FGF14: variants seen among roughly 807,000 people sequenced by gnomAD.
FGF14 encodes fibroblast growth factor 14.
A neutral mutation model predicts 25.5 loss-of-function variants in FGF14; 5 were observed. The observed-to-expected ratio is 0.20, with a 90% CI of 0.10 to 0.41. The LOEUF (loss-of-function observed/expected upper bound fraction) is 0.41, where lower values mean the gene tolerates loss of function less well. Ranked by LOEUF, FGF14 falls within the 10% of genes least tolerant of loss-of-function variation. The pLI is 1.00. For synonymous variants in FGF14, 138 were observed against 118.3 expected (o/e 1.17, Z -1.08); for missense variants, 222 against 320.1 (o/e 0.69, Z 2.34).
At chr13:101,759,164 G>A (rs1462294438) in intron 3 of FGF14, among the ~76,000 whole-genome samples, 1 of 152,158 alleles carries the variant, frequency 6.6e-6, no homozygotes, top group Non-Finnish European at 1.5e-5. Context: ...CAAGACAGGT[G>A]AGAGGTAAGA....
intron 1 of FGF14, among the ~76,000 whole-genome samples, chr13:101,899,343 G>A (rs968268094): frequency 6.6e-6 from 1 of 151,718 alleles, no homozygotes; most frequent in Admixed American, 6.6e-5. Flanking sequence ...ACATATAGGA[G>A]TTAACAGACA....
chr13:101,775,889 C>T (rs924638986), intron 3 of FGF14, among the ~76,000 whole-genome samples: 2 of 152,244 alleles, frequency 1.3e-5, no homozygotes, highest in East Asian at 1.9e-4. Flanking sequence ...GTTCAGGCCA[C>T]GTTCACAAAC....
At chr13:102,308,914 T>C (rs1224156543) in intron 1 of FGF14, among the ~76,000 whole-genome samples, 9 of 37,422 alleles carry the variant, frequency 2.4e-4, no homozygotes, top group Non-Finnish European at 3.8e-4. Flanking sequence ...GGGTTTCTTA[T>C]ACAAAAAAAA....
chr13:102,132,957 G>C (rs753247070), intron 1 of FGF14, among the ~76,000 whole-genome samples: 3 of 152,278 alleles, frequency 2.0e-5, no homozygotes, highest in African/African-American at 7.2e-5. Flanking sequence ...ATTTCCATTT[G>C]AGCACTTGCA....
chr13:102,152,318 G>C (rs771693576), intron 1 of FGF14, among the ~76,000 whole-genome samples: 1 of 152,188 alleles, frequency 6.6e-6, no homozygotes, highest in Non-Finnish European at 1.5e-5. Flanking sequence ...AGATTGGGTT[G>C]CTTAAAGAGC....
intron 1 of FGF14, among the ~76,000 whole-genome samples, chr13:102,174,448 G>A (rs556773194): frequency 3.3e-5 from 5 of 151,722 alleles, no homozygotes; most frequent in South Asian, 2.1e-4. Flanking sequence ...TTACAGGAAT[G>A]AGCCACCGTG....
chr13:102,395,933 C>G (rs1194936412), intron 1 of FGF14, among the ~76,000 whole-genome samples: 1 of 152,152 alleles, frequency 6.6e-6, no homozygotes, highest in Middle Eastern at 3.2e-3. Flanking sequence ...CTTTTACATT[C>G]TGACCAAAGT....
chr13:101,830,046 G>A (rs1278004376), intron 3 of FGF14, among the ~76,000 whole-genome samples: 2 of 152,098 alleles, frequency 1.3e-5, no homozygotes, highest in African/African-American at 4.8e-5. Flanking sequence ...ACCTTAGGCA[G>A]GCGACTGAAT....
At chr13:101,870,228 T>C (rs1313300255) in intron 2 of FGF14, among the ~76,000 whole-genome samples, 1 of 152,248 alleles carries the variant, frequency 6.6e-6, no homozygotes, top group East Asian at 1.9e-4. Flanking sequence ...TACAGCTACC[T>C]GTGCCATTTG....
At chr13:102,002,172 A>C (rs2039533219) in intron 1 of FGF14, 1 of 152,214 alleles carries the variant, frequency 6.6e-6, no homozygotes, top group African/African-American at 2.4e-5. Context: ...GTAATTCTGT[A>C]ACGCCTCAAG....
intron 1 of FGF14, among the ~76,000 whole-genome samples, chr13:102,036,674 A>G (rs532491373): frequency 1.9e-4 from 29 of 152,096 alleles, no homozygotes; most frequent in Non-Finnish European, 3.1e-4. Flanking sequence ...GGAGGAGGAG[A>G]AGAAGGAGAA....
chr13:101,739,231 C>T (rs1303848059), intron 3 of FGF14, among the ~76,000 whole-genome samples: 2 of 151,364 alleles, frequency 1.3e-5, no homozygotes, highest in African/African-American at 2.4e-5. Flanking sequence ...TTATTCTTTA[C>T]TTAATGATGT....
intron 3 of FGF14, among the ~76,000 whole-genome samples, chr13:101,778,006 G>GA (rs2039241989): frequency 6.6e-6 from 1 of 152,082 alleles, no homozygotes; most frequent in Admixed American, 6.6e-5. Flanking sequence ...GAATCTATAT[G>GA]CACACTGTAA....
chr13:102,039,110 A>C (rs2041610860), intron 1 of FGF14, among the ~76,000 whole-genome samples: 1 of 152,192 alleles, frequency 6.6e-6, no homozygotes, highest in Admixed American at 6.5e-5. Context: ...ATAGCAGGGA[A>C]GCTTGAACTT....
intron 1 of FGF14, among the ~76,000 whole-genome samples, chr13:101,932,724 T>C (rs2034843006): frequency 6.7e-6 from 1 of 149,312 alleles, no homozygotes; most frequent in African/African-American, 2.5e-5. Context: ...CTACACACTT[T>C]TGATAAATCC....
chr13:101,721,483 T>A lies in FGF14; in HGVS notation c.*1348A>T, dbSNP rs1434895744. Reference sequence around the variant, plus strand: ...TAATTCAACAGACTGTATTCTGAGATCATGGCAAGGCACCTCTAACCCAGC... The same window carrying A: ...TAATTCAACAGACTGTATTCTGAGAACATGGCAAGGCACCTCTAACCCAGC... On this transcript the variant is annotated 3_prime_UTR_variant, in exon 5 of 5. Transcript: ENST00000376143. The A allele has an allele frequency of 1.3e-5, 2 of 152,124 alleles. No individual in the cohort carries two copies. Among genetic ancestry groups the A allele is most frequent in the African/African-American group, 4.8e-5 (2 of 41,422 alleles). The allele number at this position is 152,124 out of a possible 1,614,324, so 9.4% of individuals were successfully genotyped here.
chr13:101,746,264 T>C (rs1169005402), intron 3 of FGF14, among the ~76,000 whole-genome samples: 2 of 151,968 alleles, frequency 1.3e-5, no homozygotes, highest in Non-Finnish European at 2.9e-5. Flanking sequence ...ACCTAGATTA[T>C]GCTAAGAGGT....
At chr13:102,249,293 A>C (rs548843019) in intron 1 of FGF14, among the ~76,000 whole-genome samples, 5 of 152,304 alleles carry the variant, frequency 3.3e-5, no homozygotes, top group South Asian at 2.1e-4. Flanking sequence ...AGTAGACAGA[A>C]CTTGGATAGC....
At chr13:101,831,631 T>C (rs1457449048) in intron 3 of FGF14, among the ~76,000 whole-genome samples, 1 of 152,122 alleles carries the variant, frequency 6.6e-6, no homozygotes, top group East Asian at 1.9e-4. Context: ...AAGAATTTTC[T>C]AAATTTGAGA....
Sources: gnomAD v4.1 joint callset for allele counts (sites outside exome capture counted in the v4.1 genomes callset) on GRCh38, gnomAD v4.1.1 for gene constraint, MANE v1.5 for transcripts, NCBI Gene and HGNC (gene_info 2026-07-23, HGNC 2026-07-21) for gene names.